DRC11: variants seen among roughly 807,000 people sequenced by gnomAD.
DRC11 encodes the protein dynein regulatory complex subunit 11, also known as IQ and AAA domain-containing protein 1.
the DRC11 span, among the ~76,000 whole-genome samples, chr2:236,426,644 T>C: frequency 6.6e-6 from 1 of 152,220 alleles, no homozygotes; most frequent in Non-Finnish European, 1.5e-5. The surrounding 1 kb of genome is among the most constrained non-coding windows in gnomAD (Gnocchi z 4.1). Context: ...TGTGCTAAAG[T>C]GATCCTCCCA....
chr2:236,478,257 T>C, the DRC11 span, among the ~76,000 whole-genome samples: 1 of 152,184 alleles, frequency 6.6e-6, no homozygotes, highest in African/African-American at 2.4e-5. This position sits in a 1 kb window ranked among gnomAD's most constrained non-coding sequence, Gnocchi z 5.9. Flanking sequence ...AATTTTCATT[T>C]GTTTCAGGAA....
At chr2:236,481,271 A>G in the DRC11 span, among the ~76,000 whole-genome samples, 1 of 152,220 alleles carries the variant, frequency 6.6e-6, no homozygotes, top group African/African-American at 2.4e-5. Context: ...TGAGGCAGGG[A>G]TAGTTCTCCT....
chr2:236,402,771 C>T, the DRC11 span, among the ~76,000 whole-genome samples: 2 of 152,164 alleles, frequency 1.3e-5, no homozygotes, highest in Non-Finnish European at 2.9e-5. The surrounding 1 kb of genome is among the most constrained non-coding windows in gnomAD (Gnocchi z 6.0). Flanking sequence ...CCATTCCTGG[C>T]TCCCAAGAGA....
At chr2:236,395,496 A>G in the DRC11 span, among the ~76,000 whole-genome samples, 1 of 152,222 alleles carries the variant, frequency 6.6e-6, no homozygotes, top group African/African-American at 2.4e-5. Context: ...TTTTGTGGTT[A>G]GCTTGTAGGA....
chr2:236,340,927 C>T, the DRC11 span, among the ~76,000 whole-genome samples: 1 of 152,090 alleles, frequency 6.6e-6, no homozygotes, highest in Non-Finnish European at 1.5e-5. Flanking sequence ...ACACTCAGAC[C>T]ACCCCCATTC....
At chr2:236,330,767 G>A in the DRC11 span, among the ~76,000 whole-genome samples, 2 of 152,200 alleles carry the variant, frequency 1.3e-5, no homozygotes, top group South Asian at 2.1e-4. This position sits in a 1 kb window ranked among gnomAD's most constrained non-coding sequence, Gnocchi z 5.5. Context: ...AGGAGAGCAG[G>A]CAGAGTTTGA....
chr2:236,394,990 A>G, the DRC11 span, among the ~76,000 whole-genome samples: 6 of 152,222 alleles, frequency 3.9e-5, no homozygotes. The surrounding 1 kb of genome is among the most constrained non-coding windows in gnomAD (Gnocchi z 7.0). Context: ...TTTCTTTCAG[A>G]ATGGCTAATG....
the DRC11 span, among the ~76,000 whole-genome samples, chr2:236,449,675 C>A: frequency 6.6e-6 from 1 of 152,170 alleles, no homozygotes; most frequent in African/African-American, 2.4e-5. The surrounding 1 kb of genome is among the most constrained non-coding windows in gnomAD (Gnocchi z 5.1). Context: ...CTCTGCTAGC[C>A]CCGCAGCAAT....
the DRC11 span, among the ~76,000 whole-genome samples, chr2:236,404,187 AAAAAG>A: frequency 6.6e-5 from 10 of 151,740 alleles, no homozygotes; most frequent in Non-Finnish European, 8.8e-5. Context: ...AAAGAAAAAG[AAAAAG>A]AAAAGAAAAG....
chr2:236,321,306 A>G, the DRC11 span, among the ~76,000 whole-genome samples: 2 of 152,238 alleles, frequency 1.3e-5, no homozygotes, highest in African/African-American at 4.8e-5. Context: ...AAAGTGGGGT[A>G]GTACGGAGAG....
At chr2:236,382,803 C>T in the DRC11 span, among the ~76,000 whole-genome samples, 5 of 152,152 alleles carry the variant, frequency 3.3e-5, no homozygotes, top group African/African-American at 1.2e-4. Context: ...TGCACCCTTG[C>T]TGATGTAAGC....
chr2:236,358,295 T>C, the DRC11 span, among the ~76,000 whole-genome samples: 4 of 130,026 alleles, frequency 3.1e-5, 1 homozygote, highest in South Asian at 2.2e-4. Flanking sequence ...ACTATATGAA[T>C]ATATATAATA....
the DRC11 span, among the ~76,000 whole-genome samples, chr2:236,504,091 C>T: frequency 2.6e-5 from 4 of 152,110 alleles, no homozygotes; most frequent in African/African-American, 9.7e-5. This position sits in a 1 kb window ranked among gnomAD's most constrained non-coding sequence, Gnocchi z 5.0. Flanking sequence ...ACCCGTGAAG[C>T]AGTCACTCCC....
At chr2:236,308,862 A>C in the DRC11 span, among the ~76,000 whole-genome samples, 16 of 152,364 alleles carry the variant, frequency 1.1e-4, no homozygotes, top group African/African-American at 3.6e-4. This position sits in a 1 kb window ranked among gnomAD's most constrained non-coding sequence, Gnocchi z 6.0. Flanking sequence ...AAATATGCAC[A>C]ATTATTATCC....
the DRC11 span, among the ~76,000 whole-genome samples, chr2:236,378,411 C>T: frequency 1.3e-5 from 2 of 152,152 alleles, no homozygotes; most frequent in Admixed American, 6.6e-5. Context: ...TGATGGCTCA[C>T]ACCTGTAATC....
chr2:236,491,013 A>ATG, the DRC11 span, among the ~76,000 whole-genome samples: 6 of 132,834 alleles, frequency 4.5e-5, no homozygotes, highest in African/African-American at 1.6e-4. Flanking sequence ...GTGTGTATAT[A>ATG]TGTGTATATA....
the DRC11 span, among the ~76,000 whole-genome samples, chr2:236,363,460 A>C: frequency 6.6e-6 from 1 of 152,214 alleles, no homozygotes; most frequent in South Asian, 2.1e-4. The surrounding 1 kb of genome is among the most constrained non-coding windows in gnomAD (Gnocchi z 5.6). Flanking sequence ...TCTCTACCTG[A>C]TGCCAATTAT....
the DRC11 span, among the ~76,000 whole-genome samples, chr2:236,312,805 C>G: frequency 6.6e-6 from 1 of 151,802 alleles, no homozygotes; most frequent in Non-Finnish European, 1.5e-5. Flanking sequence ...CCTGATGAAA[C>G]TGATTGAGGG....
At chr2:236,485,258 AT>A in the DRC11 span, among the ~76,000 whole-genome samples, 3 of 151,974 alleles carry the variant, frequency 2.0e-5, no homozygotes, top group African/African-American at 7.2e-5. Context: ...ATGTATGTAT[AT>A]ATATATAATA....
Sources: allele counts gnomAD v4.1 joint callset (sites outside exome capture counted in the v4.1 genomes callset), GRCh38; gene constraint gnomAD v4.1.1; non-coding constraint Gnocchi (gnomAD v3.1); transcripts MANE v1.5; gene names NCBI Gene and HGNC (gene_info 2026-07-23, HGNC 2026-07-21).